STX19: variants seen among roughly 807,000 people sequenced by gnomAD.
The protein encoded by STX19 is syntaxin 19, also known as syntaxin-19.
In STX19, 26 loss-of-function variants were observed where a neutral mutation model predicts 24.3. The observed-to-expected ratio is 1.07, with a 90% CI of 0.78 to 1.48. The LOEUF (loss-of-function observed/expected upper bound fraction) is 1.48. Among genes scored for constraint, STX19 ranks in the 40% most tolerant of loss-of-function variants. STX19 has a pLI of 0.00. For missense variants in STX19, 367 were observed against 331.9 expected (o/e 1.11, Z -0.82); for synonymous variants, 116 against 106.9 (o/e 1.09, Z -0.52).
intron 1 of STX19, among the ~76,000 whole-genome samples, chr3:94,026,681 G>A (rs1236233308): frequency 3.3e-5 from 5 of 152,260 alleles, no homozygotes; most frequent in Middle Eastern, 3.4e-3. Flanking sequence ...TAATTGCTTA[G>A]ACTAGGTGAA....
Position 94,028,415 on chromosome 3 carries a change from C to A in STX19, c.-62G>T, listed in dbSNP as rs973254385. On this transcript the variant is annotated 5_prime_UTR_variant, in exon 1 of 2. Transcript: ENST00000315099. ...GGTTTTCCACCTGCGGTGTTGGAGT[C>A]CTGCCTTTGAGAGAATATCTGAATA... The A allele has an allele frequency of 5.9e-5, 9 of 152,208 alleles. No individual in the cohort carries two copies. Among genetic ancestry groups the A allele is most frequent in the African/African-American group, 2.2e-4 (9 of 41,448 alleles). 9.4% of individuals were successfully genotyped at this position (152,208 alleles called of 1,614,324 possible).
Position 94,014,881 on chromosome 3 carries a change from G to C in STX19, c.389C>G (p.Thr130Arg), listed in dbSNP as rs747846832. Residue 130 changes from threonine to arginine, a missense_variant, in exon 2 of 2, where the codon ACA (threonine) becomes AGA (arginine). Transcript: ENST00000315099. ...AGCATGCTGAGATTTAAGTATCCTT[G>C]TGACCACTGAAGATGGACCATTTTC... is the stretch of plus-strand genomic sequence containing the variant. ...EVENGPSSVV[T>R]RILKSQHAAM... 1.2e-6 allele frequency: 2 copies of C among 1,613,926 alleles called. No homozygotes were observed.
chr3:94,018,927 A>C (rs968107195), intron 1 of STX19, among the ~76,000 whole-genome samples: 15 of 150,000 alleles, frequency 1.0e-4, no homozygotes, highest in Non-Finnish European at 1.5e-5. Flanking sequence ...CACCACGCCC[A>C]GCTAATTTTT....
At chr3:94,027,680 T>G (rs1029332434) in intron 1 of STX19, among the ~76,000 whole-genome samples, 26 of 152,082 alleles carry the variant, frequency 1.7e-4, no homozygotes, top group Non-Finnish European at 3.5e-4. Flanking sequence ...ACTTTGAAAG[T>G]ATCTAACCTA....
At chr3:94,019,488 A>G (rs1314520785) in intron 1 of STX19, among the ~76,000 whole-genome samples, 2 of 151,958 alleles carry the variant, frequency 1.3e-5, no homozygotes, top group Admixed American at 6.6e-5. Flanking sequence ...AGCCACCGCA[A>G]CTGGTCAAGT....
chr3:94,026,261 T>G (rs570126021), intron 1 of STX19, among the ~76,000 whole-genome samples: 2 of 152,208 alleles, frequency 1.3e-5, no homozygotes, highest in African/African-American at 4.8e-5. Flanking sequence ...ACTCTAAAAT[T>G]TAGTGATGTT....
In STX19 at chr3:94,022,272, C is replaced by T. The variant is rs527280502; in HGVS notation, c.-14+6095G>A. On this transcript the variant is annotated intron_variant, in intron 1 of 1. Coordinates refer to ENST00000315099, the MANE Select transcript of STX19 (RefSeq NM_001001850.3). ...TCCTGAGTAGCTGGAATTACAGGCG[C>T]CTGCCACCACGCACAGCTAATTTTT... Among the ~76,000 whole-genome samples the T allele has an allele frequency of 3.3e-5, 5 of 151,854 alleles. No homozygotes were observed. The South Asian group carries it at 8.3e-4, about 25-fold the overall frequency.
At chr3:94,025,880 GT>G (rs2076545560) in intron 1 of STX19, among the ~76,000 whole-genome samples, 1 of 152,078 alleles carries the variant, frequency 6.6e-6, no homozygotes, top group South Asian at 2.1e-4. Flanking sequence ...AGGAAACTCA[GT>G]TTTAGTTCCC....
At position 94,014,941 on chromosome 3, in the gene STX19, T is replaced by C. The variant is rs2076298193; in HGVS notation, c.329A>G (p.Asn110Ser). The change falls in exon 2 of 2, where the codon AAT becomes AGT. Residue 110 changes from asparagine (N) to serine (S), a missense_variant. Coordinates refer to ENST00000315099, the MANE Select transcript of STX19 (RefSeq NM_001001850.3). ...CTTTTTAACTTCTTTAACTAAATCA[T>C]TCAAACTTCTGTTGATGTATTCTGC... is the stretch of plus-strand genomic sequence containing the variant. Reference protein sequence around the residue: ...IQAEYINRSLNDLVKEVKKSE... With the variant: ...IQAEYINRSLSDLVKEVKKSE... 1.2e-6 allele frequency: 2 copies of C among 1,613,874 alleles called. No individual in the cohort carries two copies. Among genetic ancestry groups the C allele is most frequent in the East Asian group, 2.2e-5 (1 of 44,870 alleles).
chr3:94,014,606 A>C lies in STX19; in HGVS notation c.664T>G (p.Leu222Val). ...IEQRHKELVN[L>V]ENQIKDLRDL... ...CTTAAATCCTTTATTTGGTTCTCCA[A>C]ATTAACAAGTTCCTTGTGTCTCTGT... is the stretch of plus-strand genomic sequence containing the variant. The change falls in exon 2 of 2, where the codon TTG becomes GTG. Residue 222 changes from leucine (L) to valine (V), a missense_variant. Transcript: ENST00000315099. The C allele has an allele frequency of 6.2e-7, 1 of 1,613,158 alleles. No individual in the cohort carries two copies. The highest frequency in any genetic ancestry group is 8.5e-7 in the Non-Finnish European group (1 of 1,179,852).
rs762804414 is a variant in STX19, at chr3:94,015,061, T to G, written c.209A>C (p.Lys70Thr). The G allele has an allele frequency of 1.2e-6, 2 of 1,613,904 alleles. No homozygotes were observed. The highest frequency in any genetic ancestry group is 1.7e-6 in the Non-Finnish European group (2 of 1,179,960). ...CAGACTTTTCTGTTGCTGCCCAAAT[T>G]TTTGAACATTATCTGCCAAATTGTT... is the stretch of plus-strand genomic sequence containing the variant. ...SINNLADNVQ[K>T]FGQQQKSLVA... Residue 70 changes from lysine to threonine, a missense_variant, in exon 2 of 2, where the codon AAA becomes ACA. Coordinates refer to ENST00000315099, the MANE Select transcript of STX19 (RefSeq NM_001001850.3).
chr3:94,023,072 C>T (rs777062066), intron 1 of STX19, among the ~76,000 whole-genome samples: 5 of 151,366 alleles, frequency 3.3e-5, no homozygotes, highest in Admixed American at 6.6e-5. Context: ...TTTTGATTTC[C>T]AATTCCTCAC....
chr3:94,019,322 G>T (rs976183288), intron 1 of STX19, among the ~76,000 whole-genome samples: 1 of 151,896 alleles, frequency 6.6e-6, no homozygotes, highest in Non-Finnish European at 1.5e-5. Context: ...TCAGCCTCCC[G>T]AGTAGCTGGG....
intron 1 of STX19, among the ~76,000 whole-genome samples, chr3:94,017,303 G>A (rs1000486203): frequency 2.6e-5 from 4 of 152,198 alleles, no homozygotes; most frequent in Non-Finnish European, 4.4e-5. Flanking sequence ...CCAAAGGGCA[G>A]TGGGTGGAAA....
chr3:94,024,301 C>T (rs141890961), intron 1 of STX19, among the ~76,000 whole-genome samples: 32 of 152,052 alleles, frequency 2.1e-4, no homozygotes, highest in Admixed American at 9.8e-4. Flanking sequence ...GGGTTGCACC[C>T]GTGTAAATAT....
chr3:94,015,090 AC>A lies in STX19; in HGVS notation c.179del (p.Ser60IlefsTer23). ...GAACATTATCTGCCAAATTGTTAAT[AC>A]TTTCCTGTAGTTTTTGGATTTCATG... is the stretch of plus-strand genomic sequence containing the variant. ...HLHEIQKLQE[S>X]INNLADNVQK... On this transcript the variant is annotated frameshift_variant, in exon 2 of 2. Transcript: ENST00000315099. LOFTEE classifies it high-confidence loss of function. 1 of 1,613,800 alleles carries A rather than the reference AC, an allele frequency of 6.2e-7. No individual in the cohort carries two copies. Among genetic ancestry groups the A allele is most frequent in the Non-Finnish European group, 8.5e-7 (1 of 1,179,902 alleles).
At chr3:94,024,435 C>A (rs1282177132) in intron 1 of STX19, among the ~76,000 whole-genome samples, 1 of 152,182 alleles carries the variant, frequency 6.6e-6, no homozygotes, top group African/African-American at 2.4e-5. Context: ...TACAATGGTT[C>A]AGTAGCTTTT....
chr3:94,025,372 G>A (rs747555532), intron 1 of STX19, among the ~76,000 whole-genome samples: 29 of 152,172 alleles, frequency 1.9e-4, no homozygotes, highest in African/African-American at 6.3e-4. Flanking sequence ...TTATGTAAAC[G>A]ATGTTTAAAG....
intron 1 of STX19, among the ~76,000 whole-genome samples, chr3:94,019,817 A>G (rs1461846049): frequency 4.6e-5 from 7 of 152,162 alleles, no homozygotes. Context: ...GTTCTCACAC[A>G]AATCTGGCAC....
Sources: gnomAD v4.1 joint callset for allele counts (sites outside exome capture counted in the v4.1 genomes callset) on GRCh38, gnomAD v4.1.1 for gene constraint, MANE v1.5 for transcripts, NCBI Gene and HGNC (gene_info 2026-07-23, HGNC 2026-07-21) for gene names.